Variants in SHROOM3 observed in about 807,000 individuals in gnomAD.
The protein encoded by SHROOM3 is shroom family member 3, also known as protein Shroom3.
In SHROOM3, 47 loss-of-function variants were observed where a neutral mutation model predicts 138.6. The ratio of observed to expected loss-of-function variants is 0.34; its 90% confidence interval spans 0.27 to 0.43. The LOEUF is 0.43. Ranked by LOEUF, SHROOM3 falls within the 20% of genes least tolerant of loss-of-function variation. The probability of loss-of-function intolerance (pLI) is 1.00; values close to 1 mark genes in which losing one functional copy is unlikely to be tolerated. For missense variants in SHROOM3, 2,491 were observed against 2,596.5 expected, an observed-to-expected ratio of 0.96 and a Z score of 0.88; for synonymous variants, 1,062 against 1,063.3, an observed-to-expected ratio of 1.00 and a Z score of 0.02.
intron 1 of SHROOM3, among the ~76,000 whole-genome samples, chr4:76,532,711 T>C (rs762353610): frequency 1.3e-4 from 20 of 152,218 alleles, no homozygotes; most frequent in Non-Finnish European, 1.0e-4. Context: ...CATGGATAGA[T>C]TTATTCTTAC....
intron 5 of SHROOM3, among the ~76,000 whole-genome samples, chr4:76,742,661 C>A (rs1721301032): frequency 6.6e-6 from 1 of 152,176 alleles, no homozygotes; most frequent in Non-Finnish European, 1.5e-5. Context: ...TTAAGCAGTG[C>A]TGGGAATAGA....
At chr4:76,566,233 C>T (rs1206056979) in intron 2 of SHROOM3, among the ~76,000 whole-genome samples, 2 of 151,154 alleles carry the variant, frequency 1.3e-5, no homozygotes, top group African/African-American at 4.9e-5. Context: ...GTAGCATTTA[C>T]ATTATATTAG....
At chr4:76,620,839 C>A (rs538540617) in intron 2 of SHROOM3, among the ~76,000 whole-genome samples, 1 of 152,224 alleles carries the variant, frequency 6.6e-6, no homozygotes, top group African/African-American at 2.4e-5. Context: ...AGTGAGGAGG[C>A]ATTTCTCCAC....
At chr4:76,577,303 T>C (rs1733958419) in intron 2 of SHROOM3, among the ~76,000 whole-genome samples, 1 of 152,222 alleles carries the variant, frequency 6.6e-6, no homozygotes, top group Non-Finnish European at 1.5e-5. Context: ...AATTTCCCCA[T>C]CCACCAAAGG....
At chr4:76,606,674 G>A (rs867680770) in intron 2 of SHROOM3, among the ~76,000 whole-genome samples, 11 of 152,122 alleles carry the variant, frequency 7.2e-5, no homozygotes, top group African/African-American at 2.4e-4. Flanking sequence ...CTCCACTCCA[G>A]CCTGGGCAAC....
chr4:76,440,275 C>T (rs906186033), intron 1 of SHROOM3, among the ~76,000 whole-genome samples: 2 of 152,182 alleles, frequency 1.3e-5, no homozygotes, highest in African/African-American at 4.8e-5. Flanking sequence ...GGGACACGCA[C>T]CCAGAATTAA....
At chr4:76,595,947 A>T (rs1257241272) in intron 2 of SHROOM3, among the ~76,000 whole-genome samples, 1 of 152,212 alleles carries the variant, frequency 6.6e-6, no homozygotes, top group Non-Finnish European at 1.5e-5. Flanking sequence ...TTAATCTGGG[A>T]TAAGGTAAAC....
chr4:76,578,647 G>T lies in SHROOM3; in HGVS notation c.323+22884G>T, dbSNP rs143974998. 7.9e-4 allele frequency among the ~76,000 whole-genome samples: 121 copies of T among 152,324 alleles called. No homozygotes were observed. In the East Asian group the frequency reaches 0.019, roughly 24 times the overall value. On this transcript the variant is annotated intron_variant, in intron 2 of 10. Coordinates refer to ENST00000296043, the MANE Select transcript of SHROOM3 (RefSeq NM_020859.4). ...TCATTTATGATGTAGACCCAAGGTG[G>T]GCTGGAAAGTCTGGAATAAGCTGGA...
At chr4:76,643,141 G>C (rs574841450) in intron 2 of SHROOM3, among the ~76,000 whole-genome samples, 1 of 151,062 alleles carries the variant, frequency 6.6e-6, no homozygotes, top group Admixed American at 6.6e-5. Context: ...TTGAACCTGG[G>C]AGATGGAGCT....
intron 1 of SHROOM3, among the ~76,000 whole-genome samples, chr4:76,446,473 C>G (rs1399424000): frequency 1.3e-5 from 2 of 152,122 alleles, no homozygotes; most frequent in African/African-American, 4.8e-5. Flanking sequence ...ACTGGGCTCT[C>G]TGCATCTTCC....
chr4:76,767,069 C>T (rs376552613), intron 9 of SHROOM3, among the ~76,000 whole-genome samples: 1 of 152,152 alleles, frequency 6.6e-6, no homozygotes, highest in East Asian at 1.9e-4. Flanking sequence ...GCACTGATGT[C>T]TCTGAAAACC....
intron 1 of SHROOM3, among the ~76,000 whole-genome samples, chr4:76,526,058 C>T (rs1732681578): frequency 6.6e-6 from 1 of 152,164 alleles, no homozygotes. Context: ...TCTGGATCCA[C>T]ATGCCCTGTG....
chr4:76,609,528 C>T (rs537535540), intron 2 of SHROOM3, among the ~76,000 whole-genome samples: 1 of 152,326 alleles, frequency 6.6e-6, no homozygotes, highest in African/African-American at 2.4e-5. Flanking sequence ...GCCTCAGCCT[C>T]CCAAACTGTT....
intron 1 of SHROOM3, among the ~76,000 whole-genome samples, chr4:76,521,599 A>C (rs1732567301): frequency 6.6e-6 from 1 of 152,208 alleles, no homozygotes; most frequent in Admixed American, 6.5e-5. Flanking sequence ...ACATTTTCAC[A>C]CAGAAAAATA....
At chr4:76,486,884 C>T (rs1731742729) in intron 1 of SHROOM3, among the ~76,000 whole-genome samples, 2 of 150,928 alleles carry the variant, frequency 1.3e-5, no homozygotes, top group Non-Finnish European at 1.5e-5. Flanking sequence ...AATATCTATT[C>T]AGTGCTAAAA....
chr4:76,635,925 T>C (rs1466500678), intron 2 of SHROOM3, among the ~76,000 whole-genome samples: 3 of 152,266 alleles, frequency 2.0e-5, no homozygotes, highest in Non-Finnish European at 4.4e-5. Context: ...TTGTCCTCTC[T>C]GAAATCTGTG....
chr4:76,650,313 A>C (rs910557784), intron 2 of SHROOM3, among the ~76,000 whole-genome samples: 3 of 152,198 alleles, frequency 2.0e-5, no homozygotes, highest in African/African-American at 7.2e-5. Context: ...TGTAGAGAAA[A>C]GGGAACCCTC....
chr4:76,676,190 A>G (rs959626601), intron 2 of SHROOM3, among the ~76,000 whole-genome samples: 1 of 152,130 alleles, frequency 6.6e-6, no homozygotes, highest in African/African-American at 2.4e-5. Context: ...AAATTCAGGG[A>G]AAAAATGGCT....
chr4:76,686,777 G>A (rs1019785799), intron 2 of SHROOM3, among the ~76,000 whole-genome samples: 8 of 152,186 alleles, frequency 5.3e-5, no homozygotes, highest in South Asian at 4.2e-4. Flanking sequence ...ACTGACAGTT[G>A]GATTTGTAGG....
Sources: allele counts gnomAD v4.1 joint callset (sites outside exome capture counted in the v4.1 genomes callset), GRCh38; gene constraint gnomAD v4.1.1; transcripts MANE v1.5; gene names NCBI Gene and HGNC (gene_info 2026-07-23, HGNC 2026-07-21).